Variants in ZNF845 observed in about 807,000 individuals in gnomAD.
ZNF845 encodes the protein zinc finger protein 845.
ZNF845 carries 59 observed loss-of-function variants against 76.1 expected under a neutral mutation model. That is an observed-to-expected ratio of 0.78 (90% confidence interval 0.63 to 0.96). ZNF845 has a LOEUF of 0.96. Ranked by LOEUF, ZNF845 falls within the 40% of genes least tolerant of loss-of-function variation. The pLI, the probability that ZNF845 is intolerant of heterozygous loss-of-function variation, is 0.00. For synonymous variants in ZNF845, 361 were observed against 386.9 expected (o/e 0.93, Z 0.78); for missense variants, 1,045 against 1,172.8 (o/e 0.89, Z 1.59).
chr19:53,335,218 G>GA (rs545221688), intron 1 of ZNF845, among the ~76,000 whole-genome samples: 58 of 151,972 alleles, frequency 3.8e-4, no homozygotes, highest in Middle Eastern at 6.8e-3. Context: ...TGAAGTGGGA[G>GA]AAAAAAATCA....
At chr19:53,344,626 T>TATGTTATGTTATGTTATGTTA (rs2085281435) in intron 2 of ZNF845, among the ~76,000 whole-genome samples, 1 of 149,004 alleles carries the variant, frequency 6.7e-6, no homozygotes, top group Admixed American at 6.9e-5. Context: ...TTATTTTATT[T>TATGTTATGTTATGTTATGTTA]TATTTTATTT....
intron 1 of ZNF845, among the ~76,000 whole-genome samples, chr19:53,337,941 TC>T (rs1226110370): frequency 1.3e-5 from 2 of 152,124 alleles, no homozygotes; most frequent in African/African-American, 4.8e-5. Flanking sequence ...CCTCAGGTGA[TC>T]CGTCTGCCTA....
At chr19:53,334,727 C>CA (rs1491134021) in intron 1 of ZNF845, among the ~76,000 whole-genome samples, 1 of 31,082 alleles carries the variant, frequency 3.2e-5, no homozygotes, top group Non-Finnish European at 6.4e-5. Context: ...ATAGTGAGAC[C>CA]CCCCCCCCCA....
At position 53,345,477 on chromosome 19, in the gene ZNF845, C is replaced by T. The variant is rs147969650; in HGVS notation, c.16-29C>T. The T allele has an allele frequency of 7.6e-4, 1,227 of 1,613,524 alleles. 2 individuals carry two copies. Among genetic ancestry groups the T allele is most frequent in the Non-Finnish European group, 1.0e-3 (1,180 of 1,179,602 alleles). ...TAAAGATAAGAACTCCTCCCATAAC[C>T]ATTTCCTTAAAATGTGTTTTCATTT... On this transcript the variant is annotated intron_variant, in intron 2 of 3. Transcript: ENST00000458035.
chr19:53,352,428 C>T lies in ZNF845; in HGVS notation c.1753C>T (p.His585Tyr). Reference sequence around the variant, plus strand: ...GAAACTTTACAAATGTAATGATTGTCACCAAGTCTTTAGTAATGCTACAAC... The same window carrying T: ...GAAACTTTACAAATGTAATGATTGTTACCAAGTCTTTAGTAATGCTACAAC... ...IGKLYKCNDC[H>Y]QVFSNATTIA... Residue 585 changes from histidine to tyrosine, a missense_variant, in exon 4 of 4, where the codon CAC becomes TAC. Transcript: ENST00000458035. The T allele has an allele frequency of 6.2e-7, 1 of 1,613,848 alleles. No individual in the cohort carries two copies. Among genetic ancestry groups the T allele is most frequent in the Non-Finnish European group, 8.5e-7 (1 of 1,179,830 alleles).
rs2085254787 is a variant in ZNF845, at chr19:53,341,288, G to A, written c.-20G>A. ...GAGGAAGAAACCCGGAAGAGGAAGA[G>A]GAAAGCAAAGGAGTCAGGGATGGCT... is the stretch of plus-strand genomic sequence containing the variant. On this transcript the variant is annotated 5_prime_UTR_variant, in exon 2 of 4. Transcript: ENST00000458035. 3 of 1,613,830 alleles carry A rather than the reference G, an allele frequency of 1.9e-6. No individual in the cohort carries two copies. Among genetic ancestry groups the A allele is most frequent in the African/African-American group, 1.3e-5 (1 of 74,920 alleles).
rs1266332714 is a variant in ZNF845, at chr19:53,356,119, C to T, written c.*2531C>T. 6.6e-6 allele frequency: 1 copy of T among 152,068 alleles called. No homozygotes were observed. Among genetic ancestry groups the T allele is most frequent in the Non-Finnish European group, 1.5e-5 (1 of 68,020 alleles). The allele number at this position is 152,068 out of a possible 1,614,324, so 9.4% of individuals were successfully genotyped here. On this transcript the variant is annotated 3_prime_UTR_variant, in exon 4 of 4. Coordinates refer to ENST00000458035, the MANE Select transcript of ZNF845 (RefSeq NM_138374.3). The stretch of plus-strand genomic sequence containing the variant: ...TCACACTTTTTGTACCAAAATAAAC[C>T]AGTATAAACTTGTTATAACGTCTGA...
intron 3 of ZNF845, among the ~76,000 whole-genome samples, chr19:53,349,645 T>C (rs1035225155): frequency 6.6e-6 from 1 of 152,192 alleles, no homozygotes. Context: ...TTGCTGATTT[T>C]ATGGGTTACG....
At chr19:53,350,188 C>T (rs1795533437) in intron 3 of ZNF845, among the ~76,000 whole-genome samples, 1 of 151,306 alleles carries the variant, frequency 6.6e-6, no homozygotes, top group South Asian at 2.1e-4. Flanking sequence ...GGCTGAAGTA[C>T]AGTGGTGCAA....
chr19:53,340,101 G>T (rs2085245399), intron 1 of ZNF845, among the ~76,000 whole-genome samples: 1 of 151,868 alleles, frequency 6.6e-6, no homozygotes, highest in Admixed American at 6.6e-5. Context: ...TCCCAGGCTG[G>T]AGTGCAGTGC....
At chr19:53,343,904 T>C (rs953553958) in intron 2 of ZNF845, among the ~76,000 whole-genome samples, 1 of 151,940 alleles carries the variant, frequency 6.6e-6, no homozygotes, top group African/African-American at 2.4e-5. Flanking sequence ...CACTGCAACC[T>C]CCACCCTCAG....
Position 53,351,112 on chromosome 19 carries a change from C to T in ZNF845, c.437C>T (p.Ser146Leu), listed in dbSNP as rs61743337. 4,428 of 1,614,146 alleles carry T rather than the reference C, an allele frequency of 2.7e-3. 101 individuals carry two copies. In the African/African-American group the frequency reaches 0.051, roughly 19 times the overall value. Residue 146 changes from serine (S) to leucine (L), a missense_variant, in exon 4 of 4, where the codon TCG becomes TTG. By Grantham distance (145) the Ser-to-Leu change is moderately radical. Coordinates refer to ENST00000458035, the MANE Select transcript of ZNF845 (RefSeq NM_138374.3). ...IKDQLGSSFH[S>L]HLPELHMFQT... Reference sequence around the variant, plus strand: ...GATCAGCTTGGATCAAGCTTTCATTCGCATCTGCCTGAACTCCACATGTTT... The same window carrying T: ...GATCAGCTTGGATCAAGCTTTCATTTGCATCTGCCTGAACTCCACATGTTT...
At chr19:53,347,138 G>A (rs551389277) in intron 3 of ZNF845, among the ~76,000 whole-genome samples, 9 of 152,086 alleles carry the variant, frequency 5.9e-5, no homozygotes, top group Middle Eastern at 3.4e-3. Flanking sequence ...CGCCTGCCTT[G>A]GCCTCTTAAA....
chr19:53,353,329 AACCTT>A lies in ZNF845; in HGVS notation c.2657_2661del (p.Pro886GlnfsTer3), dbSNP rs1366430789. 1 of 1,613,828 alleles carries A rather than the reference AACCTT, an allele frequency of 6.2e-7. No individual in the cohort carries two copies. ...CATCATAGACTTCATACTGGAGAGA[AACCTT>A]ACAAGTGTAATAAATGTGGTAAGGT... On this transcript the variant is annotated frameshift_variant, in exon 4 of 4. Coordinates refer to ENST00000458035, the MANE Select transcript of ZNF845 (RefSeq NM_138374.3). LOFTEE classifies it high-confidence loss of function.
In ZNF845 at chr19:53,352,315, G is replaced by A. The variant is rs1432920410; in HGVS notation, c.1640G>A (p.Gly547Glu). The A allele has an allele frequency of 6.2e-7, 1 of 1,613,908 alleles. No individual in the cohort carries two copies. Residue 547 changes from glycine to glutamate, a missense_variant, in exon 4 of 4, where the codon GGA (glycine) becomes GAA (glutamate). Coordinates refer to ENST00000458035, the MANE Select transcript of ZNF845 (RefSeq NM_138374.3). ...ACACGCCATTGTAGACTTCATACTG[G>A]AGAGAAACCTTACCAGTGTAATGAG... ...SLTRHCRLHT[G>E]EKPYQCNECG...
At position 53,355,969 on chromosome 19, in the gene ZNF845, A is replaced by G. The variant is rs1323742823; in HGVS notation, c.*2381A>G. ...GTATGTTGAACCATCCTTGCATCCCATGAATAGGTAGCACTTGGATGTTTA... is the reference window on the plus strand; with the variant it reads ...GTATGTTGAACCATCCTTGCATCCCGTGAATAGGTAGCACTTGGATGTTTA... On this transcript the variant is annotated 3_prime_UTR_variant, in exon 4 of 4. Coordinates refer to ENST00000458035, the MANE Select transcript of ZNF845 (RefSeq NM_138374.3). 1 of 152,184 alleles carries G rather than the reference A, an allele frequency of 6.6e-6. No individual in the cohort carries two copies. The highest frequency in any genetic ancestry group is 6.5e-5 in the Admixed American group (1 of 15,278). 9.4% of individuals were successfully genotyped at this position (152,184 alleles called of 1,614,324 possible).
chr19:53,351,268 A>G lies in ZNF845; in HGVS notation c.593A>G (p.Asn198Ser). 6.2e-7 allele frequency: 1 copy of G among 1,614,230 alleles called. No homozygotes were observed. Among genetic ancestry groups the G allele is most frequent in the African/African-American group, 1.3e-5 (1 of 75,054 alleles). ...ISKNYGNNFLNSSLLTQKQEV... is the reference protein window; with the variant it reads ...ISKNYGNNFLSSSLLTQKQEV... ...AAGAACTATGGGAATAATTTCCTGAATTCTTCATTACTCACACAAAAGCAG... is the reference window on the plus strand; with the variant it reads ...AAGAACTATGGGAATAATTTCCTGAGTTCTTCATTACTCACACAAAAGCAG... The change falls in exon 4 of 4, where the codon AAT (asparagine) becomes AGT (serine). Residue 198 changes from asparagine to serine, a missense_variant. Transcript: ENST00000458035.
chr19:53,341,233 A>G lies in ZNF845; in HGVS notation c.-73-2A>G. 6.3e-7 allele frequency: 1 copy of G among 1,582,880 alleles called. No individual in the cohort carries two copies. Among genetic ancestry groups the G allele is most frequent in the Non-Finnish European group, 8.7e-7 (1 of 1,152,506 alleles). ...AATAAACAACATATTTTTAACATTC[A>G]GGATTGACTTCTAAAGACTCTTGGT... On this transcript the variant is annotated splice_acceptor_variant, in intron 1 of 3. Transcript: ENST00000458035. LOFTEE classifies it low-confidence loss of function (5UTR_SPLICE).
intron 3 of ZNF845, 82 bp from the exon 4 acceptor site, chr19:53,350,736 T>C: frequency 6.7e-7 from 1 of 1,502,484 alleles, no homozygotes; most frequent in Non-Finnish European, 8.9e-7. Flanking sequence ...ATAAGTATTG[T>C]TTTTAGTGTC....
Sources: allele counts gnomAD v4.1 joint callset (sites outside exome capture counted in the v4.1 genomes callset), GRCh38; gene constraint gnomAD v4.1.1; transcripts MANE v1.5; gene names NCBI Gene and HGNC (gene_info 2026-07-23, HGNC 2026-07-21).